Variants in C10orf120 observed in about 807,000 individuals in gnomAD.
C10orf120 encodes chromosome 10 open reading frame 120, also known as uncharacterized protein C10orf120.
C10orf120 carries 15 observed loss-of-function variants against 10.8 expected under a neutral mutation model. That is an observed-to-expected ratio of 1.39 (90% CI 0.93 to 2.14). The LOEUF (loss-of-function observed/expected upper bound fraction) is 2.14, where lower values mean the gene tolerates loss of function less well. C10orf120 is among the 30% of genes most tolerant of loss of function. C10orf120 has a pLI of 0.00. For synonymous variants in C10orf120, 141 were observed against 138.9 expected, an observed-to-expected ratio of 1.02 and a Z score of -0.11; for missense variants, 447 against 411.3, an observed-to-expected ratio of 1.09 and a Z score of -0.75.
In C10orf120 at chr10:122,699,324, G is replaced by T; in HGVS notation, c.252+13C>A. ...AGTGGGGCCTCTCCGTGTGAAAACT[G>T]CGGGACACTTACTAGGATCTCTTTT... On this transcript the variant is annotated intron_variant, in intron 2 of 2. Transcript: ENST00000329446. The T allele has an allele frequency of 5.6e-6, 9 of 1,603,896 alleles. No homozygotes were observed. Among genetic ancestry groups the T allele is most frequent in the Non-Finnish European group, 7.7e-6 (9 of 1,171,208 alleles).
chr10:122,698,008 C>T lies in C10orf120; in HGVS notation c.733G>A (p.Val245Ile). ...NTKRREIKMN[V>I]VFKSKEPKKC... is the part of the protein sequence containing the mutation. The stretch of plus-strand genomic sequence containing the variant: ...TTTGGTTCTTTTGACTTGAAAACTA[C>T]ATTCATTTTTATTTCTCGTCTTTTT... The change falls in exon 3 of 3, where the codon GTA becomes ATA. Residue 245 changes from valine (V) to isoleucine (I), a missense_variant. Coordinates refer to ENST00000329446, the MANE Select transcript of C10orf120 (RefSeq NM_001010912.4). 1 of 1,608,260 alleles carries T rather than the reference C, an allele frequency of 6.2e-7. No individual in the cohort carries two copies. Among genetic ancestry groups the T allele is most frequent in the Non-Finnish European group, 8.5e-7 (1 of 1,178,510 alleles).
At position 122,697,969 on chromosome 10, in the gene C10orf120, A is replaced by T; in HGVS notation, c.772T>A (p.Tyr258Asn). Residue 258 changes from tyrosine (Y) to asparagine (N), a missense_variant, in exon 3 of 3, where the codon TAC (tyrosine) becomes AAC (asparagine). Coordinates refer to ENST00000329446, the MANE Select transcript of C10orf120 (RefSeq NM_001010912.4). ...KSKEPKKCLTYHGNDRKSFLP... is the reference protein window; with the variant it reads ...KSKEPKKCLTNHGNDRKSFLP... ...AATGATTTGCGATCATTTCCATGGT[A>T]TGTTAAACATTTTTTTGGTTCTTTT... The T allele has an allele frequency of 1.2e-6, 2 of 1,611,434 alleles. No individual in the cohort carries two copies. Among genetic ancestry groups the T allele is most frequent in the Non-Finnish European group, 1.7e-6 (2 of 1,179,260 alleles).
In C10orf120 at chr10:122,698,190, G is replaced by T; in HGVS notation, c.551C>A (p.Pro184His). 6.2e-7 allele frequency: 1 copy of T among 1,613,484 alleles called. No homozygotes were observed. The highest frequency in any genetic ancestry group is 1.1e-5 in the South Asian group (1 of 90,926). Reference protein sequence around the residue: ...ARALGNHQPLPYIERFTRSSF... With the variant: ...ARALGNHQPLHYIERFTRSSF... ...GGAGCGTGTAAACCTTTCAATGTAG[G>T]GTAAAGGCTGATGATTTCCCAGAGC... Residue 184 changes from proline (P) to histidine (H), a missense_variant, in exon 3 of 3, where the codon CCC (proline) becomes CAC (histidine). Coordinates refer to ENST00000329446, the MANE Select transcript of C10orf120 (RefSeq NM_001010912.4).
chr10:122,699,505 C>T (rs2093223094), intron 1 of C10orf120, 93 bp from the exon 2 acceptor site: 1 of 1,447,622 alleles, frequency 6.9e-7, no homozygotes, highest in East Asian at 2.3e-5. Flanking sequence ...GGTTATTCTA[C>T]ACTAGCCAGG....
rs369558492 is a variant in C10orf120 at position 122,697,752 on chromosome 10, G to A, written c.989C>T (p.Ala330Val). The change falls in exon 3 of 3, where the codon GCA becomes GTA. Residue 330 changes from alanine to valine, a missense_variant. Coordinates refer to ENST00000329446, the MANE Select transcript of C10orf120 (RefSeq NM_001010912.4). ...AAAACTTTAATAATGATAAGGAGTT[G>A]CTTTACGCATGCGCTCTTTCCAGAT... ...ESIWKERMRKATPYHY is the reference protein window; with the variant it reads ...ESIWKERMRKVTPYHY The A allele has an allele frequency of 6.2e-7, 1 of 1,613,908 alleles. No homozygotes were observed. Among genetic ancestry groups the A allele is most frequent in the African/African-American group, 1.3e-5 (1 of 74,934 alleles).
At chr10:122,698,994 CGCG>C (rs1566145119) in intron 2 of C10orf120, among the ~76,000 whole-genome samples, 2 of 149,870 alleles carry the variant, frequency 1.3e-5, no homozygotes, top group Admixed American at 1.3e-4. Flanking sequence ...ATTAGCCGGG[CGCG>C]GTGGCGGGCG....
At chr10:122,699,474 G>A in intron 1 of C10orf120, 62 bp from the exon 2 acceptor site, 1 of 1,486,282 alleles carries the variant, frequency 6.7e-7, no homozygotes, top group Non-Finnish European at 9.4e-7. Flanking sequence ...TTTCCCTCCT[G>A]GAGTGGGAAG....
At position 122,697,962 on chromosome 10, in the gene C10orf120, C is replaced by G. The variant is rs150350025; in HGVS notation, c.779G>C (p.Gly260Ala). Reference protein sequence around the residue: ...KEPKKCLTYHGNDRKSFLPAK... With the variant: ...KEPKKCLTYHANDRKSFLPAK... ...GGGGAGGAATGATTTGCGATCATTT[C>G]CATGGTATGTTAAACATTTTTTTGG... Residue 260 changes from glycine to alanine, a missense_variant, in exon 3 of 3, where the codon GGA becomes GCA. Gly to Ala is a moderately conservative substitution (Grantham distance 60, BLOSUM62 0). Coordinates refer to ENST00000329446, the MANE Select transcript of C10orf120 (RefSeq NM_001010912.4). 4.3e-6 allele frequency: 7 copies of G among 1,613,184 alleles called. No homozygotes were observed. In the African/African-American group the frequency reaches 9.4e-5, roughly 22 times the overall value.
chr10:122,698,040 T>C lies in C10orf120; in HGVS notation c.701A>G (p.Lys234Arg), dbSNP rs1364391468. The C allele has an allele frequency of 8.1e-6, 13 of 1,609,570 alleles. No homozygotes were observed. The highest frequency in any genetic ancestry group is 1.1e-5 in the Non-Finnish European group (13 of 1,179,022). The change falls in exon 3 of 3, where the codon AAA becomes AGA. Residue 234 changes from lysine to arginine, a missense_variant. By Grantham distance (26) the Lys-to-Arg change is conservative. Transcript: ENST00000329446. Reference protein sequence around the residue: ...NQDKKEEAEGKNTKRREIKMN... With the variant: ...NQDKKEEAEGRNTKRREIKMN... ...TTTTATTTCTCGTCTTTTTGTGTTT[T>C]TTCCCTCTGCCTCCTCTTTCTTATC...
At chr10:122,698,566 G>C in intron 2 of C10orf120, 78 bp from the exon 3 acceptor site, 1 of 1,337,344 alleles carries the variant, frequency 7.5e-7, no homozygotes, top group Non-Finnish European at 1.1e-6. Flanking sequence ...CTAGTGGCTG[G>C]TTCTCCCTCC....
Position 122,698,112 on chromosome 10 carries a change from C to T in C10orf120, c.629G>A (p.Arg210Gln), listed in dbSNP as rs771671807. Residue 210 changes from arginine (R) to glutamine (Q), a missense_variant, in exon 3 of 3, where the codon CGA (arginine) becomes CAA (glutamine). Coordinates refer to ENST00000329446, the MANE Select transcript of C10orf120 (RefSeq NM_001010912.4). ...LGPMAKNKAR[R>Q]KEDNYDTHNC... ...ATGGGTGTCATAGTTGTCTTCCTTT[C>T]GTCTGGCCTTATTTTTTGCCATTGG... 7.4e-6 allele frequency: 12 copies of T among 1,613,748 alleles called. No individual in the cohort carries two copies. Among genetic ancestry groups the T allele is most frequent in the East Asian group, 2.2e-5 (1 of 44,878 alleles).
At chr10:122,698,535 G>A (rs1378148323) in intron 2 of C10orf120, 47 bp from the exon 3 acceptor site, 2 of 1,588,180 alleles carry the variant, frequency 1.3e-6, no homozygotes, top group Non-Finnish European at 1.7e-6. Context: ...CACAGGGGCA[G>A]GCGGCACCCA....
Position 122,698,508 on chromosome 10 carries a change from T to C in C10orf120, c.253-20A>G, listed in dbSNP as rs371574384. ...TAGACGCTGACAATGGAGAAAGGAC[T>C]ATTAAAATCTCAAGAGCACAGGGGC... On this transcript the variant is annotated intron_variant, in intron 2 of 2. Coordinates refer to ENST00000329446, the MANE Select transcript of C10orf120 (RefSeq NM_001010912.4). 1 of 1,612,356 alleles carries C rather than the reference T, an allele frequency of 6.2e-7. No individual in the cohort carries two copies. Among genetic ancestry groups the C allele is most frequent in the African/African-American group, 1.3e-5 (1 of 74,854 alleles).
In C10orf120 at chr10:122,699,739, T is replaced by A. The variant is rs781348221; in HGVS notation, c.52A>T (p.Ser18Cys). 1 of 1,614,090 alleles carries A rather than the reference T, an allele frequency of 6.2e-7. No homozygotes were observed. Among genetic ancestry groups the A allele is most frequent in the East Asian group, 2.2e-5 (1 of 44,884 alleles). Residue 18 changes from serine (S) to cysteine (C), a missense_variant, in exon 1 of 3, where the codon AGT becomes TGT. Transcript: ENST00000329446. Reference sequence around the variant, plus strand: ...TTCCTTTCTTGCACCATTGTGTCACTAGCCCTCTGTTTTTCAATCCTCTGA... The same window carrying A: ...TTCCTTTCTTGCACCATTGTGTCACAAGCCCTCTGTTTTTCAATCCTCTGA... ...DCQRIEKQRA[S>C]DTMVQERKNE...
At chr10:122,699,226 A>C in intron 2 of C10orf120, 111 bp downstream of exon 2, 2 of 622,206 alleles carry the variant, frequency 3.2e-6, no homozygotes, top group Non-Finnish European at 5.7e-6. Context: ...ATGGGAGTCT[A>C]CTGTTTGAGA....
At chr10:122,699,170 G>C (rs1471042825) in intron 2 of C10orf120, among the ~76,000 whole-genome samples, 167 bp downstream of exon 2, 1 of 67,776 alleles carries the variant, frequency 1.5e-5, no homozygotes, top group Non-Finnish European at 3.1e-5. Context: ...AAAAAAAAAA[G>C]AGTATTTTGC....
At chr10:122,698,991 G>A (rs1292089794) in intron 2 of C10orf120, among the ~76,000 whole-genome samples, 24 of 150,184 alleles carry the variant, frequency 1.6e-4, no homozygotes, top group East Asian at 5.9e-4. Flanking sequence ...AAAATTAGCC[G>A]GGCGCGGTGG....
In C10orf120 at chr10:122,699,830, G is replaced by T; in HGVS notation, c.-40C>A. ...CTAGGACGGGAGGTGTTCACACCTG[G>T]AGTTTGTTTCTAAGACAATGTGATG... is the stretch of plus-strand genomic sequence containing the variant. On this transcript the variant is annotated 5_prime_UTR_variant, in exon 1 of 3. Coordinates refer to ENST00000329446, the MANE Select transcript of C10orf120 (RefSeq NM_001010912.4). 1 of 1,551,368 alleles carries T rather than the reference G, an allele frequency of 6.4e-7. No homozygotes were observed. Among genetic ancestry groups the T allele is most frequent in the Non-Finnish European group, 8.8e-7 (1 of 1,140,754 alleles).
At position 122,699,600 on chromosome 10, in the gene C10orf120, G is replaced by A; in HGVS notation, c.176+15C>T. The stretch of plus-strand genomic sequence containing the variant: ...CTTTCTGACATGGACAGACTAAAGT[G>A]CAAGTCAGACTCACCGCAACGGTGA... On this transcript the variant is annotated intron_variant, in intron 1 of 2. Coordinates refer to ENST00000329446, the MANE Select transcript of C10orf120 (RefSeq NM_001010912.4). 2 of 1,593,312 alleles carry A rather than the reference G, an allele frequency of 1.3e-6. No homozygotes were observed. Among genetic ancestry groups the A allele is most frequent in the Middle Eastern group, 1.7e-4 (1 of 5,806 alleles).
Sources: allele counts gnomAD v4.1 joint callset (sites outside exome capture counted in the v4.1 genomes callset), GRCh38; gene constraint gnomAD v4.1.1; transcripts MANE v1.5; gene names NCBI Gene and HGNC (gene_info 2026-07-23, HGNC 2026-07-21).